NPAS3: variants seen among roughly 807,000 people sequenced by gnomAD.
NPAS3 encodes neuronal PAS domain protein 3.
Under a neutral mutation model 73.1 loss-of-function variants are expected in NPAS3, and 14 were observed. That is an observed-to-expected ratio of 0.19 (90% CI 0.13 to 0.30). The LOEUF (loss-of-function observed/expected upper bound fraction) is 0.30, where lower values mean the gene tolerates loss of function less well. NPAS3 is among the 10% of genes least tolerant of loss of function. The probability of loss-of-function intolerance (pLI) is 1.00; values close to 1 mark genes in which losing one functional copy is unlikely to be tolerated. For synonymous variants in NPAS3, 620 were observed against 541.5 expected (o/e 1.14, Z -2.01); for missense variants, 1,096 against 1,250.0 (o/e 0.88, Z 1.86).
chr14:33,061,184 T>G (rs1228317863), intron 2 of NPAS3, among the ~76,000 whole-genome samples: 1 of 152,174 alleles, frequency 6.6e-6, no homozygotes, highest in African/African-American at 2.4e-5. Context: ...GATGGTCACC[T>G]ATGCTGAAGA....
At chr14:33,626,278 G>T (rs929696838) in intron 5 of NPAS3, among the ~76,000 whole-genome samples, 2 of 152,154 alleles carry the variant, frequency 1.3e-5, no homozygotes, top group Admixed American at 1.3e-4. Context: ...TTTAGAGGGG[G>T]ACTGCATGCA....
At chr14:33,304,463 A>G (rs1472072269) in intron 3 of NPAS3, among the ~76,000 whole-genome samples, 1 of 151,802 alleles carries the variant, frequency 6.6e-6, no homozygotes, top group Non-Finnish European at 1.5e-5. Flanking sequence ...ATGCTGAAAC[A>G]GTAGGGTGTA....
intron 5 of NPAS3, 135 bp from the exon 6 acceptor site, chr14:33,676,076 A>AAGAC (rs1326806433): frequency 8.8e-6 from 7 of 797,200 alleles, no homozygotes; most frequent in Admixed American, 2.8e-5. Flanking sequence ...TTTGAAGATG[A>AAGAC]AGACAGAACC....
chr14:32,945,795 G>A (rs945703596), intron 1 of NPAS3, among the ~76,000 whole-genome samples: 1 of 152,172 alleles, frequency 6.6e-6, no homozygotes, highest in South Asian at 2.1e-4. Context: ...TGAAAGCATC[G>A]TTACCTCACC....
chr14:33,595,797 A>G (rs2057223114), intron 5 of NPAS3, among the ~76,000 whole-genome samples: 1 of 152,092 alleles, frequency 6.6e-6, no homozygotes. Flanking sequence ...CAGCCTCCCA[A>G]CTAGCTGGGA....
intron 1 of NPAS3, among the ~76,000 whole-genome samples, chr14:33,037,228 C>A (rs1467953251): frequency 1.3e-5 from 2 of 152,100 alleles, no homozygotes; most frequent in Non-Finnish European, 1.5e-5. Context: ...CATATTAGAG[C>A]ATCATTAATC....
At chr14:32,976,571 C>T (rs932408223) in intron 1 of NPAS3, among the ~76,000 whole-genome samples, 4 of 152,132 alleles carry the variant, frequency 2.6e-5, no homozygotes, top group Admixed American at 2.0e-4. Flanking sequence ...TTGGAGGACG[C>T]TGCTTTAAAC....
intron 4 of NPAS3, 93 bp downstream of exon 4, chr14:33,367,361 G>T: frequency 1.7e-6 from 1 of 602,696 alleles, no homozygotes; most frequent in South Asian, 2.4e-5. Flanking sequence ...TTAAATGTCA[G>T]CTGTATATTT....
chr14:33,461,839 G>A (rs897872464), intron 4 of NPAS3, among the ~76,000 whole-genome samples: 1 of 152,208 alleles, frequency 6.6e-6, no homozygotes, highest in African/African-American at 2.4e-5. Flanking sequence ...TCCTCTGGGG[G>A]CAGATGAATT....
At chr14:33,417,613 G>T (rs981937179) in intron 4 of NPAS3, among the ~76,000 whole-genome samples, 1 of 151,908 alleles carries the variant, frequency 6.6e-6, no homozygotes, top group African/African-American at 2.4e-5. Flanking sequence ...CTCTTGCTTT[G>T]AACTTTGTTG....
chr14:33,504,406 G>A (rs1052428967), intron 4 of NPAS3, among the ~76,000 whole-genome samples: 1 of 151,990 alleles, frequency 6.6e-6, no homozygotes, highest in African/African-American at 2.4e-5. Context: ...GCTGGCATGA[G>A]CTTTAAGAAA....
At chr14:33,513,150 C>A (rs1424524462) in intron 4 of NPAS3, among the ~76,000 whole-genome samples, 1 of 151,990 alleles carries the variant, frequency 6.6e-6, no homozygotes, top group Non-Finnish European at 1.5e-5. Flanking sequence ...GGGCACCTAG[C>A]CATGTAGTGC....
At chr14:33,640,483 T>A (rs1479954395) in intron 5 of NPAS3, among the ~76,000 whole-genome samples, 1 of 152,190 alleles carries the variant, frequency 6.6e-6, no homozygotes, top group East Asian at 1.9e-4. Context: ...AAAATGCACA[T>A]CTTTTTCAAT....
At chr14:33,462,335 G>A (rs553747331) in intron 4 of NPAS3, among the ~76,000 whole-genome samples, 258 of 152,242 alleles carry the variant, frequency 1.7e-3, no homozygotes, top group Middle Eastern at 0.01. Context: ...TCTGGTTCTC[G>A]TCTCCTTCTG....
At chr14:33,091,741 A>G (rs2042231541) in intron 2 of NPAS3, among the ~76,000 whole-genome samples, 1 of 152,208 alleles carries the variant, frequency 6.6e-6, no homozygotes, top group Admixed American at 6.5e-5. Context: ...TGGCAAACCG[A>G]ATCCAGCAGC....
chr14:33,616,323 T>C (rs2057916754), intron 5 of NPAS3, among the ~76,000 whole-genome samples: 1 of 152,228 alleles, frequency 6.6e-6, no homozygotes, highest in Non-Finnish European at 1.5e-5. Context: ...TGCTCTGTTC[T>C]GAAAGATGTT....
At chr14:33,306,454 T>G (rs1378892595) in intron 3 of NPAS3, among the ~76,000 whole-genome samples, 2 of 152,236 alleles carry the variant, frequency 1.3e-5, no homozygotes, top group East Asian at 3.8e-4. Context: ...ATCATATTTC[T>G]GATAGTCTGC....
At chr14:33,111,293 G>A (rs1016760682) in intron 2 of NPAS3, among the ~76,000 whole-genome samples, 1 of 152,194 alleles carries the variant, frequency 6.6e-6, no homozygotes, top group Non-Finnish European at 1.5e-5. Flanking sequence ...AGAGGCAGTT[G>A]GCCAAGTCTC....
At chr14:33,054,510 A>G (rs1324818333) in intron 1 of NPAS3, among the ~76,000 whole-genome samples, 1 of 152,190 alleles carries the variant, frequency 6.6e-6, no homozygotes, top group East Asian at 1.9e-4. Context: ...CAAAAGTAGA[A>G]CTTAAATTAT....
Sources: gnomAD v4.1 joint callset for allele counts (sites outside exome capture counted in the v4.1 genomes callset) on GRCh38, gnomAD v4.1.1 for gene constraint, MANE v1.5 for transcripts, NCBI Gene and HGNC (gene_info 2026-07-23, HGNC 2026-07-21) for gene names.